MGA: variants seen among roughly 807,000 people sequenced by gnomAD.
The protein encoded by MGA is MAX dimerization protein MGA.
Under a neutral mutation model 261.1 loss-of-function variants are expected in MGA, and 40 were observed. The observed-to-expected ratio is 0.15, with a 90% CI of 0.12 to 0.20. The LOEUF (loss-of-function observed/expected upper bound fraction) is 0.20, where lower values mean the gene tolerates loss of function less well. Ranked by LOEUF, MGA falls within the 10% of genes least tolerant of loss-of-function variation. The probability of loss-of-function intolerance (pLI) is 1.00; values close to 1 mark genes in which losing one functional copy is unlikely to be tolerated. For synonymous variants in MGA, 1,302 were observed against 1,290.6 expected (o/e 1.01, Z -0.19); for missense variants, 3,397 against 3,630.5 (o/e 0.94, Z 1.65).
At chr15:41,680,187 G>T (rs940234671) in intron 2 of MGA, among the ~76,000 whole-genome samples, 1 of 152,174 alleles carries the variant, frequency 6.6e-6, no homozygotes, top group African/African-American at 2.4e-5. Context: ...ACTAGTCATT[G>T]TTGGTTCTTT....
At chr15:41,670,827 A>G (rs1358203937) in intron 2 of MGA, among the ~76,000 whole-genome samples, 1 of 151,000 alleles carries the variant, frequency 6.6e-6, no homozygotes, top group Non-Finnish European at 1.5e-5. Flanking sequence ...TGTTTTAACA[A>G]GTAATAATTT....
rs2061768476 is a variant in MGA, at chr15:41,736,195, T to A, written c.3931T>A (p.Ser1311Thr). ...TTTTACATCAGAAAAGAGCTGGAAG[T>A]CTTCCTGCAATGAAGGAGAATCCTC... The change falls in exon 13 of 24, where the codon TCT becomes ACT. Residue 1311 changes from serine (S) to threonine (T), a missense_variant. Around this residue, in one of 9 missense-constraint regions of MGA, gnomAD observed 1,410 missense variants for 1,386.4 expected, o/e 1.02. Transcript: ENST00000219905. 6.4e-7 allele frequency: 1 copy of A among 1,565,492 alleles called. No individual in the cohort carries two copies. The highest frequency in any genetic ancestry group is 8.7e-7 in the Non-Finnish European group (1 of 1,156,026).
rs924910666 is a variant in MGA at position 41,715,757 on chromosome 15, A to G, written c.3430+2261A>G. On this transcript the variant is annotated intron_variant, in intron 9 of 23. Coordinates refer to ENST00000219905, the MANE Select transcript of MGA (RefSeq NM_001164273.2). ...TTATTTCTATTTTAGCATTTAAGTG[A>G]GATATAGTGTATTTAAATACCTAAA... is the stretch of plus-strand genomic sequence containing the variant. Among the ~76,000 whole-genome samples the G allele has an allele frequency of 6.6e-5, 10 of 152,304 alleles. No individual in the cohort carries two copies. In the South Asian group the frequency reaches 8.3e-4, roughly 13 times the overall value.
At chr15:41,687,783 G>T (rs556265330) in intron 2 of MGA, among the ~76,000 whole-genome samples, 2 of 152,216 alleles carry the variant, frequency 1.3e-5, no homozygotes, top group East Asian at 3.9e-4. Flanking sequence ...AAAAGGATGT[G>T]TGTATTGTAC....
chr15:41,660,107 G>C (rs1485788738), upstream of MGA, among the ~76,000 whole-genome samples: 1 of 152,250 alleles, frequency 6.6e-6, no homozygotes, highest in African/African-American at 2.4e-5. Flanking sequence ...AGGCCCGCCG[G>C]GCATTGGTTT....
chr15:41,748,003 T>A (rs1283688544), intron 15 of MGA, among the ~76,000 whole-genome samples: 4 of 152,264 alleles, frequency 2.6e-5, no homozygotes, highest in South Asian at 2.1e-4. Flanking sequence ...ATGGCTGCAG[T>A]CCCAGCACTT....
In MGA at chr15:41,749,831, A is replaced by C. The variant is rs927584126; in HGVS notation, c.6224A>C (p.Lys2075Thr). The change falls in exon 17 of 24, where the codon AAG becomes ACG. Residue 2075 changes from lysine (K) to threonine (T), a missense_variant. Transcript: ENST00000219905. The stretch of plus-strand genomic sequence containing the variant: ...GAAGAATATGGGGCTAGGAATCGTA[A>C]GAGTTCCAAAGAAAAAGTGGCTGTT... The C allele has an allele frequency of 3.1e-6, 5 of 1,613,838 alleles. No individual in the cohort carries two copies. In the East Asian group the frequency reaches 8.9e-5, roughly 29 times the overall value.
chr15:41,629,490 A>G (rs935005108), intron 1 of MGA, among the ~76,000 whole-genome samples: 20 of 152,096 alleles, frequency 1.3e-4, no homozygotes, highest in Non-Finnish European at 4.4e-5. Context: ...TACCTTTGGG[A>G]TGTCATCGAT....
In MGA at chr15:41,760,330, C is replaced by T. The variant is rs201703131; in HGVS notation, c.7199C>T (p.Pro2400Leu). ...GCAATCTTGTTTGGACAGGCTCCAC[C>T]AATTCCTCTAAAACTGAAGCCTGAT... The change falls in exon 20 of 24, where the codon CCA becomes CTA. Residue 2400 changes from proline to leucine, a missense_variant. Coordinates refer to ENST00000219905, the MANE Select transcript of MGA (RefSeq NM_001164273.2). 8.7e-6 allele frequency: 14 copies of T among 1,613,744 alleles called. No individual in the cohort carries two copies. The highest frequency in any genetic ancestry group is 1.3e-5 in the African/African-American group (1 of 74,886).
At chr15:41,707,885 A>G (rs755616008) in intron 6 of MGA, 26 bp downstream of exon 6, 22 of 1,591,508 alleles carry the variant, frequency 1.4e-5, no homozygotes, top group Non-Finnish European at 1.9e-5. Context: ...TTGTAAAGTC[A>G]AACACTATTT....
chr15:41,646,294 T>G (rs1415895955), intron 1 of MGA, among the ~76,000 whole-genome samples: 1 of 152,042 alleles, frequency 6.6e-6, no homozygotes, highest in Non-Finnish European at 1.5e-5. Flanking sequence ...GTGAAGAAAT[T>G]TAGCTGTGAG....
intron 9 of MGA, among the ~76,000 whole-genome samples, chr15:41,721,918 A>G (rs556506142): frequency 2.0e-5 from 3 of 152,294 alleles, no homozygotes; most frequent in African/African-American, 7.2e-5. Context: ...AAAACCTGAA[A>G]ACAACCCCAA....
intron 18 of MGA, among the ~76,000 whole-genome samples, chr15:41,756,721 G>A (rs149194800): frequency 1.5e-4 from 23 of 152,222 alleles, no homozygotes; most frequent in East Asian, 3.9e-4. Flanking sequence ...GGAACTCTGC[G>A]TATCAACATA....
chr15:41,632,725 T>C (rs2150559204), intron 1 of MGA, among the ~76,000 whole-genome samples: 1 of 152,060 alleles, frequency 6.6e-6, no homozygotes, highest in East Asian at 1.9e-4. Flanking sequence ...AAAGCGTTTC[T>C]TTTCTCAAAA....
intron 9 of MGA, chr15:41,718,304 T>TATATATATATATATATATAC (rs1453235005): frequency 9.4e-5 from 14 of 149,238 alleles, no homozygotes; most frequent in African/African-American, 5.2e-4. Flanking sequence ...TGTGTGTGTA[T>TATATATATATATATATATAC]ATATATATAT....
chr15:41,662,166 C>T (rs900044668), intron 1 of MGA, among the ~76,000 whole-genome samples: 2 of 152,054 alleles, frequency 1.3e-5, no homozygotes, highest in Non-Finnish European at 2.9e-5. Context: ...TGGGTTGGGT[C>T]CACTTTACAG....
At chr15:41,695,770 T>C (rs1041747736) in intron 2 of MGA, among the ~76,000 whole-genome samples, 11 of 152,224 alleles carry the variant, frequency 7.2e-5, no homozygotes, top group Non-Finnish European at 1.2e-4. Flanking sequence ...TACTCTAAAA[T>C]TGCTGCAATA....
intron 1 of MGA, among the ~76,000 whole-genome samples, chr15:41,646,212 C>T (rs2056930029): frequency 6.6e-6 from 1 of 152,124 alleles, no homozygotes; most frequent in Non-Finnish European, 1.5e-5. Context: ...AAGTGACTTT[C>T]CTTGCTTGGC....
At chr15:41,754,643 A>G in intron 18 of MGA, 76 bp downstream of exon 18, 1 of 1,413,850 alleles carries the variant, frequency 7.1e-7, no homozygotes, top group African/African-American at 1.4e-5. Context: ...TCTGTTCAGG[A>G]GCTCTGGGTA....
Sources: allele counts gnomAD v4.1 joint callset (sites outside exome capture counted in the v4.1 genomes callset), GRCh38; gene constraint gnomAD v4.1.1; regional missense constraint gnomAD v4.1.1; transcripts MANE v1.5; gene names NCBI Gene and HGNC (gene_info 2026-07-23, HGNC 2026-07-21).